Variants in TMEM132C observed in about 807,000 individuals in gnomAD.
TMEM132C encodes the protein protein phosphatase 1, regulatory subunit 152.
A neutral mutation model predicts 61.4 loss-of-function variants in TMEM132C; 29 were observed. The ratio of observed to expected loss-of-function variants is 0.47; its 90% CI spans 0.35 to 0.64. The LOEUF (loss-of-function observed/expected upper bound fraction) is 0.64, where lower values mean the gene tolerates loss of function less well. Ranked by LOEUF, TMEM132C falls within the 30% of genes least tolerant of loss-of-function variation. TMEM132C has a pLI of 0.00. For synonymous variants in TMEM132C, 656 were observed against 633.1 expected (o/e 1.04, Z -0.54); for missense variants, 1,408 against 1,476.9 (o/e 0.95, Z 0.76).
At chr12:128,318,183 C>T (rs1409820148) in intron 1 of TMEM132C, among the ~76,000 whole-genome samples, 2 of 152,118 alleles carry the variant, frequency 1.3e-5, no homozygotes, top group African/African-American at 2.4e-5. Flanking sequence ...AAATACTGAA[C>T]TTGACTTGTG....
chr12:128,379,460 A>G (rs1388596632), intron 1 of TMEM132C, among the ~76,000 whole-genome samples: 1 of 152,194 alleles, frequency 6.6e-6, no homozygotes, highest in East Asian at 1.9e-4. Context: ...ACTTAAGACA[A>G]CAGGGATTTA....
chr12:128,458,873 A>G (rs1021194994), intron 2 of TMEM132C, among the ~76,000 whole-genome samples: 2 of 152,208 alleles, frequency 1.3e-5, no homozygotes, highest in Non-Finnish European at 2.9e-5. Context: ...ACTTCCACCA[A>G]CATCTCCAGA....
chr12:128,374,408 C>A (rs1874122144), intron 1 of TMEM132C, among the ~76,000 whole-genome samples: 1 of 152,144 alleles, frequency 6.6e-6, no homozygotes, highest in Admixed American at 6.5e-5. Flanking sequence ...CTCAGGCTTT[C>A]CGGTGCCCCT....
rs765560368 is a variant in TMEM132C, at chr12:128,707,533, T to C, written c.*1238T>C. 2 of 152,252 alleles carry C rather than the reference T, an allele frequency of 1.3e-5. No homozygotes were observed. Among genetic ancestry groups the C allele is most frequent in the Non-Finnish European group, 2.9e-5 (2 of 68,054 alleles). 9.4% of individuals were successfully genotyped at this position (152,252 alleles called of 1,614,324 possible). A position where few individuals can be genotyped will look rare whatever the true frequency, so the allele number is the denominator to read the frequency against. Reference sequence around the variant, plus strand: ...ACTGTGTTTTTGAACAGCATAATTGTGTAGCAGCACATTGCAAAAATGCAT... The same window carrying C: ...ACTGTGTTTTTGAACAGCATAATTGCGTAGCAGCACATTGCAAAAATGCAT... On this transcript the variant is annotated 3_prime_UTR_variant, in exon 9 of 9. Coordinates refer to ENST00000435159, the MANE Select transcript of TMEM132C (RefSeq NM_001136103.3).
intron 1 of TMEM132C, among the ~76,000 whole-genome samples, chr12:128,290,144 G>A (rs1332213584): frequency 5.9e-5 from 9 of 152,156 alleles, no homozygotes; most frequent in East Asian, 1.9e-4. Context: ...CCAGTAGGGC[G>A]TGTGATGCTG....
At chr12:128,271,727 C>T (rs1048669578) in intron 1 of TMEM132C, among the ~76,000 whole-genome samples, 1 of 152,204 alleles carries the variant, frequency 6.6e-6, no homozygotes, top group South Asian at 2.1e-4. Flanking sequence ...TTGCTTCAAC[C>T]TCTTCTTCGT....
chr12:128,605,376 C>A (rs1876385123), intron 3 of TMEM132C, among the ~76,000 whole-genome samples: 1 of 152,110 alleles, frequency 6.6e-6, no homozygotes, highest in Non-Finnish European at 1.5e-5. Flanking sequence ...GGAGAGTCAG[C>A]CCTTTTGTTC....
At chr12:128,677,925 A>G (rs950709970) in intron 5 of TMEM132C, among the ~76,000 whole-genome samples, 1 of 152,266 alleles carries the variant, frequency 6.6e-6, no homozygotes. Flanking sequence ...GCTCCGGCAC[A>G]TGGAGAGCAA....
intron 3 of TMEM132C, among the ~76,000 whole-genome samples, chr12:128,614,984 G>T (rs1180943624): frequency 1.3e-5 from 2 of 152,170 alleles, no homozygotes; most frequent in African/African-American, 4.8e-5. Context: ...CCCCACAGCT[G>T]CCCCAGGAGA....
intron 1 of TMEM132C, among the ~76,000 whole-genome samples, chr12:128,344,360 G>A (rs866179666): frequency 3.3e-5 from 5 of 152,152 alleles, no homozygotes; most frequent in South Asian, 2.1e-4. Flanking sequence ...GGGTTTCACC[G>A]TGTTAGCCAG....
chr12:128,586,091 G>T (rs1238282675), intron 3 of TMEM132C, among the ~76,000 whole-genome samples: 2 of 152,088 alleles, frequency 1.3e-5, no homozygotes, highest in African/African-American at 4.8e-5. Context: ...CAAATAAAAC[G>T]GGAATATATG....
chr12:128,276,803 A>G (rs377470987), intron 1 of TMEM132C, among the ~76,000 whole-genome samples: 4 of 152,272 alleles, frequency 2.6e-5, no homozygotes, highest in African/African-American at 7.2e-5. Context: ...CTTTGAGGCA[A>G]CAAGGGATTC....
intron 1 of TMEM132C, among the ~76,000 whole-genome samples, chr12:128,333,331 TTGTGTGTA>T (rs1436541198): frequency 6.6e-6 from 1 of 152,028 alleles, no homozygotes; most frequent in East Asian, 1.9e-4. Flanking sequence ...TGTGCGAGTG[TTGTGTGTA>T]TGTGTGTAAG....
chr12:128,351,495 A>G (rs1397278908), intron 1 of TMEM132C, among the ~76,000 whole-genome samples: 1 of 152,230 alleles, frequency 6.6e-6, no homozygotes, highest in Non-Finnish European at 1.5e-5. Flanking sequence ...GCTATAAAGA[A>G]GTACCTGAGG....
In TMEM132C at chr12:128,597,493, GAAA is replaced by G. The variant is rs1229073721; in HGVS notation, c.1122-18658_1122-18656del. Among the ~76,000 whole-genome samples the G allele has an allele frequency of 6.7e-4, 45 of 66,780 alleles. No individual in the cohort carries two copies. The South Asian group carries it at 0.011, about 17-fold the overall frequency. The allele number at this position is 66,780 out of a possible 152,430, so 43.8% of individuals were successfully genotyped here. A position where few individuals can be genotyped will look rare whatever the true frequency, so the allele number is the denominator to read the frequency against. ...GAGAGAGAGGAAGGAAGGAAGGAAG[GAAA>G]GAAGGAAGGAAGGAAGGAAGGAAGG... On this transcript the variant is annotated intron_variant, in intron 3 of 8. Coordinates refer to ENST00000435159, the MANE Select transcript of TMEM132C (RefSeq NM_001136103.3).
intron 3 of TMEM132C, among the ~76,000 whole-genome samples, chr12:128,604,752 A>G (rs1052671475): frequency 2.0e-5 from 3 of 151,248 alleles, no homozygotes; most frequent in African/African-American, 7.4e-5. Context: ...ATGGAGGGAT[A>G]GATAATAAAT....
chr12:128,651,638 G>GACA (rs1954271103), intron 4 of TMEM132C, among the ~76,000 whole-genome samples: 1 of 152,130 alleles, frequency 6.6e-6, no homozygotes, highest in African/African-American at 2.4e-5. Flanking sequence ...GAGGGAGACA[G>GACA]AGAAGGCCTC....
intron 2 of TMEM132C, among the ~76,000 whole-genome samples, chr12:128,492,442 G>T (rs1871773550): frequency 6.6e-6 from 1 of 152,180 alleles, no homozygotes; most frequent in Non-Finnish European, 1.5e-5. Flanking sequence ...TTCCACGATG[G>T]TTGACCTAAT....
intron 1 of TMEM132C, among the ~76,000 whole-genome samples, chr12:128,302,416 C>T (rs759672658): frequency 3.3e-5 from 5 of 152,180 alleles, no homozygotes; most frequent in Admixed American, 2.0e-4. Context: ...CTGATTCCTA[C>T]TCCTCATGTT....
Sources: allele counts gnomAD v4.1 joint callset (sites outside exome capture counted in the v4.1 genomes callset), GRCh38; gene constraint gnomAD v4.1.1; transcripts MANE v1.5; gene names NCBI Gene and HGNC (gene_info 2026-07-23, HGNC 2026-07-21).